The following WFDC3 variants were observed in gnomAD, a reference collection of about 807,000 sequenced individuals.
The protein encoded by WFDC3 is WAP four-disulfide core domain 3.
In WFDC3, 15 loss-of-function variants were observed where a neutral mutation model predicts 25.8. The observed-to-expected ratio is 0.58, with a 90% CI of 0.39 to 0.89. The LOEUF is 0.89. WFDC3 is among the 40% of genes least tolerant of loss of function. The probability of loss-of-function intolerance (pLI) is 0.00; values close to 1 mark genes in which losing one functional copy is unlikely to be tolerated. For synonymous variants in WFDC3, 103 were observed against 107.1 expected (o/e 0.96, Z 0.24); for missense variants, 264 against 289.8 (o/e 0.91, Z 0.65).
At chr20:45,781,262 G>GAC (rs10630278) in intron 4 of WFDC3, among the ~76,000 whole-genome samples, 34,757 of 150,238 alleles carry the variant, frequency 0.23, 4,384 homozygotes, top group African/African-American at 0.33. Flanking sequence ...CACACACATA[G>GAC]ACACACACAC....
chr20:45,777,331 A>C, intron 4 of WFDC3, 122 bp from the exon 5 acceptor site: 1 of 1,075,302 alleles, frequency 9.3e-7, no homozygotes, highest in Non-Finnish European at 1.2e-6. Flanking sequence ...GTAAATATTT[A>C]TGTGTATCAT....
At position 45,777,218 on chromosome 20, in the gene WFDC3, T is replaced by C; in HGVS notation, c.359-9A>G. 1 of 1,520,430 alleles carries C rather than the reference T, an allele frequency of 6.6e-7. No homozygotes were observed. Among genetic ancestry groups the C allele is most frequent in the Non-Finnish European group, 8.8e-7 (1 of 1,135,210 alleles). The allele number at this position is 1,520,430 out of a possible 1,614,324, so 94.2% of individuals were successfully genotyped here. On this transcript the variant is annotated splice_polypyrimidine_tract_variant and intron_variant, in intron 4 of 6. Coordinates refer to ENST00000243938, the MANE Select transcript of WFDC3 (RefSeq NM_080614.2). ...TTCACCACCAAACTCTGCTACATAA[T>C]CAAAGCATTGGAGCCCAGAGACGCT... is the stretch of plus-strand genomic sequence containing the variant.
chr20:45,791,161 G>T (rs1980955436), intron 1 of WFDC3, among the ~76,000 whole-genome samples: 2 of 127,156 alleles, frequency 1.6e-5, no homozygotes, highest in African/African-American at 5.9e-5. Flanking sequence ...GACCTCATAT[G>T]TGCCTAATAT....
chr20:45,788,688 G>C, intron 3 of WFDC3: 1 of 412,422 alleles, frequency 2.4e-6, no homozygotes. Context: ...AGCCTTCACA[G>C]GAACTTTGAG....
At chr20:45,776,278 CTGTGTGTGTG>C (rs3080047) in intron 5 of WFDC3, among the ~76,000 whole-genome samples, 40 of 102,038 alleles carry the variant, frequency 3.9e-4, no homozygotes, top group African/African-American at 9.1e-4. Context: ...GCTTTTATCT[CTGTGTGTGTG>C]TGTGTGTGTG....
At position 45,774,230 on chromosome 20, in the gene WFDC3, C is replaced by T. The variant is rs2664529; in HGVS notation, c.*198G>A. On this transcript the variant is annotated 3_prime_UTR_variant, in exon 7 of 7. Coordinates refer to ENST00000243938, the MANE Select transcript of WFDC3 (RefSeq NM_080614.2). ...ACAAGAGGTCAGCACCAGCCTTTAT[C>T]GGGAAAGAGAAGCACCACACACCCA... is the stretch of plus-strand genomic sequence containing the variant. 0.65 allele frequency: 431,746 copies of T among 667,994 alleles called. 140,895 individuals are homozygous for T. The highest frequency in any genetic ancestry group is 0.75 in the Admixed American group (26,903 of 36,110). The allele number at this position is 667,994 out of a possible 1,614,324, so 41.4% of individuals were successfully genotyped here. A position where few individuals can be genotyped will look rare whatever the true frequency, so the allele number is the denominator to read the frequency against.
At chr20:45,787,559 G>A (rs1337391075) in intron 4 of WFDC3, among the ~76,000 whole-genome samples, 1 of 151,982 alleles carries the variant, frequency 6.6e-6, no homozygotes, top group Non-Finnish European at 1.5e-5. Flanking sequence ...CCAAAGTGCT[G>A]GGATTCCAGG....
At chr20:45,787,579 C>A (rs566566922) in intron 4 of WFDC3, among the ~76,000 whole-genome samples, 1 of 152,196 alleles carries the variant, frequency 6.6e-6, no homozygotes, top group East Asian at 1.9e-4. Flanking sequence ...GCATGAGCCA[C>A]CACACCTGGC....
chr20:45,786,272 C>T (rs1204102153), intron 4 of WFDC3, among the ~76,000 whole-genome samples: 1 of 152,178 alleles, frequency 6.6e-6, no homozygotes, highest in East Asian at 1.9e-4. Flanking sequence ...TGCCTGTAAT[C>T]CCAGCTACTC....
Position 45,787,927 on chromosome 20 carries a change from G to A in WFDC3, c.267C>T (p.Cys89=). ...CACCTGGACATGTCTCATCAGTGAT[G>A]CACCTTTTCAAACAGGATTGTTTCC... is the stretch of plus-strand genomic sequence containing the variant. The part of the protein sequence containing the change: ...VIRKQSCLKR[C]ITDETCPGVK... Residue 89 remains cysteine (C), a synonymous_variant, in exon 4 of 7, where the codon TGC becomes TGT. Transcript: ENST00000243938. 3.1e-6 allele frequency: 5 copies of A among 1,614,042 alleles called. No individual in the cohort carries two copies. Among genetic ancestry groups the A allele is most frequent in the Non-Finnish European group, 3.4e-6 (4 of 1,179,982 alleles).
intron 5 of WFDC3, among the ~76,000 whole-genome samples, chr20:45,776,278 CTGTGTGTGTGTGTGTGTG>C (rs3080047): frequency 8.8e-5 from 9 of 102,038 alleles, no homozygotes; most frequent in Middle Eastern, 4.9e-3. Context: ...GCTTTTATCT[CTGTGTGTGTGTGTGTGTG>C]TGTGTGTGTG....
In WFDC3 at chr20:45,774,434, C is replaced by G; in HGVS notation, c.690G>C (p.Val230=). 1 of 1,614,108 alleles carries G rather than the reference C, an allele frequency of 6.2e-7. No individual in the cohort carries two copies. The highest frequency in any genetic ancestry group is 1.7e-5 in the Admixed American group (1 of 60,022). The change falls in exon 7 of 7, where the codon GTG becomes GTC. Residue 230 remains valine, a synonymous_variant. Coordinates refer to ENST00000243938, the MANE Select transcript of WFDC3 (RefSeq NM_080614.2). ...TCCAGACAAATCAGCACAGCTAGGG[C>G]ACCGGGATCTCTGCAAGTAGAAGAA... ...VRSDSELEIP[V]P
At chr20:45,782,018 A>G (rs1283405350) in intron 4 of WFDC3, among the ~76,000 whole-genome samples, 2 of 152,212 alleles carry the variant, frequency 1.3e-5, no homozygotes, top group African/African-American at 2.4e-5. Context: ...CACGTAAAAG[A>G]TAATACATAT....
chr20:45,776,701 G>A (rs1450915575), intron 5 of WFDC3, among the ~76,000 whole-genome samples: 29 of 148,150 alleles, frequency 2.0e-4, no homozygotes, highest in Admixed American at 1.9e-3. Context: ...TTTGGGGCAG[G>A]GGAGAAGCTT....
chr20:45,779,856 T>A (rs189990936), intron 4 of WFDC3: 1 of 152,342 alleles, frequency 6.6e-6, no homozygotes, highest in East Asian at 1.9e-4. Flanking sequence ...TCTACCCTTT[T>A]CCAGGCCAGG....
At chr20:45,776,664 G>GTA (rs1980200255) in intron 5 of WFDC3, among the ~76,000 whole-genome samples, 1 of 138,738 alleles carries the variant, frequency 7.2e-6, no homozygotes, top group African/African-American at 2.7e-5. Context: ...ATATATATGT[G>GTA]TGTGTGTGTT....
intron 2 of WFDC3, 56 bp from the exon 3 acceptor site, chr20:45,789,115 A>G: frequency 1.2e-6 from 2 of 1,601,816 alleles, no homozygotes; most frequent in East Asian, 2.3e-5. Context: ...GAAATGGGGA[A>G]TGGACCTTCA....
rs188262674 is a variant in WFDC3, at chr20:45,781,585, G to A, written c.359-4376C>T. Among the ~76,000 whole-genome samples, 50 of 152,258 alleles carry A rather than the reference G, an allele frequency of 3.3e-4. No homozygotes were observed. The East Asian group carries it at 6.8e-3, about 21-fold the overall frequency. ...GGTGCTGATTTTCAAGAGTCCTCCCGGTAGAGTCACAGGATGCACTTAATT... is the reference window on the plus strand; with the variant it reads ...GGTGCTGATTTTCAAGAGTCCTCCCAGTAGAGTCACAGGATGCACTTAATT... On this transcript the variant is annotated intron_variant, in intron 4 of 6. Coordinates refer to ENST00000243938, the MANE Select transcript of WFDC3 (RefSeq NM_080614.2).
chr20:45,780,063 CTTTTTT>C (rs3080097), intron 4 of WFDC3, among the ~76,000 whole-genome samples: 8 of 88,590 alleles, frequency 9.0e-5, no homozygotes, highest in Admixed American at 1.5e-4. Context: ...GCCTTTATAC[CTTTTTT>C]TTTTTTTTTT....
Sources: allele counts gnomAD v4.1 joint callset (sites outside exome capture counted in the v4.1 genomes callset), GRCh38; gene constraint gnomAD v4.1.1; transcripts MANE v1.5; gene names NCBI Gene and HGNC (gene_info 2026-07-23, HGNC 2026-07-21).